Variants in TFR2 observed in about 807,000 individuals in gnomAD.
The protein encoded by TFR2 is transferrin receptor protein 2.
Under a neutral mutation model 91.9 loss-of-function variants are expected in TFR2, and 64 were observed. The ratio of observed to expected loss-of-function variants is 0.70; its 90% CI spans 0.57 to 0.86. The LOEUF is 0.86. TFR2 is among the 40% of genes least tolerant of loss of function. The probability of loss-of-function intolerance (pLI) is 0.00; values close to 1 mark genes in which losing one functional copy is unlikely to be tolerated. For missense variants in TFR2, 950 were observed against 1,080.5 expected (o/e 0.88, Z 1.69); for synonymous variants, 454 against 459.6 (o/e 0.99, Z 0.15).
chr7:100,629,434 C>T, intron 9 of TFR2, 62 bp from the exon 10 acceptor site: 2 of 1,608,142 alleles, frequency 1.2e-6, no homozygotes, highest in Non-Finnish European at 1.7e-6. Flanking sequence ...GGGGCATCCT[C>T]CATCTGCCTG....
chr7:100,633,230 G>T lies in TFR2; in HGVS notation c.725C>A (p.Thr242Lys). The part of the protein sequence containing the change: ...YCPYSAIGNV[T>K]GELVYAHYGR... ...TAGGAGCGGGCAGGGGGTGCTCACC[G>T]TGACGTTGCCGATGGCGCTGTAGGG... is the stretch of plus-strand genomic sequence containing the variant. The change falls in exon 5 of 18, where the codon ACG (threonine) becomes AAG (lysine). Residue 242 changes from threonine to lysine, a missense_variant and splice_region_variant. Coordinates refer to ENST00000223051, the MANE Select transcript of TFR2 (RefSeq NM_003227.4). 1.9e-6 allele frequency: 3 copies of T among 1,613,738 alleles called. No homozygotes were observed. The highest frequency in any genetic ancestry group is 1.1e-5 in the South Asian group (1 of 91,078).
intron 17 of TFR2, among the ~76,000 whole-genome samples, chr7:100,621,410 C>G (rs1039153119): frequency 6.6e-6 from 1 of 152,116 alleles, no homozygotes; most frequent in Admixed American, 6.5e-5. Context: ...CCCGCCACGA[C>G]GCCCGGCTAA....
chr7:100,637,849 G>C (rs998880189), intron 3 of TFR2, among the ~76,000 whole-genome samples: 2 of 106,668 alleles, frequency 1.9e-5, no homozygotes, highest in Non-Finnish European at 4.0e-5. Context: ...TTTTTTTTTT[G>C]AGATGGAGTT....
chr7:100,627,112 TG>T, intron 16 of TFR2, 151 bp downstream of exon 16: 1 of 1,209,692 alleles, frequency 8.3e-7, no homozygotes, highest in Non-Finnish European at 1.2e-6. Context: ...TGGCACATGC[TG>T]GGGGCTGGGA....
In TFR2 at chr7:100,641,049, G is replaced by A; in HGVS notation, c.213C>T (p.Leu71=). 6.2e-7 allele frequency: 1 copy of A among 1,603,180 alleles called. No individual in the cohort carries two copies. The highest frequency in any genetic ancestry group is 8.5e-7 in the Non-Finnish European group (1 of 1,173,744). The change falls in exon 2 of 18, where the codon CTC becomes CTT. Residue 71 remains leucine (L), a synonymous_variant. Coordinates refer to ENST00000223051, the MANE Select transcript of TFR2 (RefSeq NM_003227.4). ...TCCGTCCTGCTGCCGCCCAGGGAAT[G>A]AGGTTTGGCTGCCTGGGTCTAGAGC... ...PLGSRPRQPN[L]IPWAAAGRRA...
chr7:100,621,338 C>G (rs940561912), intron 17 of TFR2, among the ~76,000 whole-genome samples: 1 of 152,196 alleles, frequency 6.6e-6, no homozygotes, highest in Non-Finnish European at 1.5e-5. Flanking sequence ...ACTGCAACCT[C>G]CGCCTTCAGC....
intron 10 of TFR2, 38 bp downstream of exon 10, chr7:100,629,215 C>G: frequency 6.2e-7 from 1 of 1,612,238 alleles, no homozygotes; most frequent in South Asian, 1.1e-5. Flanking sequence ...AGGCCCACCG[C>G]TGCCTAGCCC....
At chr7:100,623,197 C>T (rs576994798) in intron 17 of TFR2, among the ~76,000 whole-genome samples, 17 of 152,244 alleles carry the variant, frequency 1.1e-4, no homozygotes, top group Admixed American at 4.6e-4. Flanking sequence ...AGCTTTAACC[C>T]GGGAGGCGGA....
chr7:100,620,931 G>A lies in TFR2; in HGVS notation c.2332C>T (p.Leu778=). 3.1e-6 allele frequency: 5 copies of A among 1,614,170 alleles called. No individual in the cohort carries two copies. The highest frequency in any genetic ancestry group is 4.2e-6 in the Non-Finnish European group (5 of 1,179,996). ...GCCCCTTGCAGCGTCCAGGTGAGCAGGGCTAGCTGACGCCGGAAACGGCTC... is the reference window on the plus strand; with the variant it reads ...GCCCCTTGCAGCGTCCAGGTGAGCAAGGCTAGCTGACGCCGGAAACGGCTC... ...QESRFRRQLA[L]LTWTLQGAAN... The change falls in exon 18 of 18, where the codon CTG becomes TTG. Residue 778 remains leucine (L), a synonymous_variant. Transcript: ENST00000223051.
chr7:100,628,750 T>C (rs925621633), intron 10 of TFR2, among the ~76,000 whole-genome samples: 1 of 151,418 alleles, frequency 6.6e-6, no homozygotes, highest in Non-Finnish European at 1.5e-5. Flanking sequence ...TTATCATTCA[T>C]GTCACTTTTT....
chr7:100,627,998 T>C, intron 12 of TFR2, 24 bp from the exon 13 acceptor site: 1 of 1,614,044 alleles, frequency 6.2e-7, no homozygotes, highest in African/African-American at 1.3e-5. Flanking sequence ...AGGGGAGGGA[T>C]GCCAGGCTCA....
intron 17 of TFR2, 151 bp from the exon 18 acceptor site, chr7:100,621,277 G>A (rs538057539): frequency 6.5e-6 from 7 of 1,084,848 alleles, no homozygotes; most frequent in East Asian, 2.7e-5. Context: ...GTTTTGAGAC[G>A]GAGTCTCGCT....
At chr7:100,628,442 C>G (rs1286054698) in intron 10 of TFR2, 136 bp from the exon 11 acceptor site, 10 of 863,894 alleles carry the variant, frequency 1.2e-5, no homozygotes, top group Admixed American at 6.3e-5. Context: ...CTCTCTCGCC[C>G]AGGCTGGAGT....
At chr7:100,640,457 C>T in intron 3 of TFR2, 1 of 588,494 alleles carries the variant, frequency 1.7e-6, no homozygotes, top group South Asian at 2.0e-5. Flanking sequence ...CAGTCAGCTC[C>T]CTCACCTCCC....
At chr7:100,625,814 G>A (rs927879611) in intron 17 of TFR2, among the ~76,000 whole-genome samples, 3 of 152,194 alleles carry the variant, frequency 2.0e-5, no homozygotes, top group African/African-American at 7.2e-5. Context: ...GAGCCCAGGA[G>A]TTGGAGGTTG....
At chr7:100,621,413 C>T (rs899226569) in intron 17 of TFR2, among the ~76,000 whole-genome samples, 1 of 152,118 alleles carries the variant, frequency 6.6e-6, no homozygotes, top group Non-Finnish European at 1.5e-5. Flanking sequence ...GCCACGACGC[C>T]CGGCTAATTT....
intron 12 of TFR2, 44 bp from the exon 13 acceptor site, chr7:100,628,018 C>T: frequency 6.2e-7 from 1 of 1,614,066 alleles, no homozygotes; most frequent in South Asian, 1.1e-5. Flanking sequence ...AGGGCTCAGC[C>T]CCAGAGGCAA....
rs1323299726 is a variant in TFR2 at position 100,640,818 on chromosome 7, G to A, written c.341C>T (p.Ser114Phe). 1 of 1,614,172 alleles carries A rather than the reference G, an allele frequency of 6.2e-7. No individual in the cohort carries two copies. Among genetic ancestry groups the A allele is most frequent in the Non-Finnish European group, 8.5e-7 (1 of 1,180,032 alleles). ...FRGSCQACGD[S>F]VLVVSEDVNY... ...GACATCCTCACTGACCACCAACACA[G>A]AGTCTCCGCACGCCTGGCAGGACCC... The change falls in exon 3 of 18, where the codon TCT becomes TTT. Residue 114 changes from serine (S) to phenylalanine (F), a missense_variant. Transcript: ENST00000223051.
At chr7:100,639,729 A>C (rs1188794673) in intron 3 of TFR2, 1 of 151,962 alleles carries the variant, frequency 6.6e-6, no homozygotes, top group African/African-American at 2.4e-5. Context: ...GGGTGGACCT[A>C]GCTTTTGGAT....
Sources: allele counts gnomAD v4.1 joint callset (sites outside exome capture counted in the v4.1 genomes callset), GRCh38; gene constraint gnomAD v4.1.1; transcripts MANE v1.5; gene names NCBI Gene and HGNC (gene_info 2026-07-23, HGNC 2026-07-21).